The following MGAT4C variants were observed in gnomAD, a reference collection of about 807,000 sequenced individuals.
The protein encoded by MGAT4C is alpha-1,3-mannosyl-glycoprotein 4-beta-N-acetylglucosaminyltransferase C.
In MGAT4C, 19 loss-of-function variants were observed where a neutral mutation model predicts 40.1. The ratio of observed to expected loss-of-function variants is 0.47; its 90% confidence interval spans 0.33 to 0.70. The LOEUF is 0.70. MGAT4C is among the 30% of genes least tolerant of loss of function. The pLI, the probability that MGAT4C is intolerant of heterozygous loss-of-function variation, is 0.02. For synonymous variants in MGAT4C, 181 were observed against 187.1 expected (o/e 0.97, Z 0.27); for missense variants, 491 against 563.2 (o/e 0.87, Z 1.30).
intron 2 of MGAT4C, among the ~76,000 whole-genome samples, chr12:86,471,361 A>G (rs1471560170): frequency 6.6e-6 from 1 of 152,070 alleles, no homozygotes; most frequent in African/African-American, 2.4e-5. Context: ...GGATAGTAAA[A>G]TGATGTATGG....
intron 3 of MGAT4C, among the ~76,000 whole-genome samples, chr12:86,412,575 A>G (rs1260047136): frequency 6.6e-6 from 1 of 152,170 alleles, no homozygotes; most frequent in Non-Finnish European, 1.5e-5. Flanking sequence ...GCCTGTACCC[A>G]CATTGTATCT....
chr12:86,147,989 T>C lies in MGAT4C; in HGVS notation c.-56-98266A>G, dbSNP rs911361189. ...AGAACAAAATATTTACTGGCTTCCA[T>C]TGAGAGTAAAACGAAGAAGAGAGAA... On this transcript the variant is annotated intron_variant, in intron 1 of 4. Transcript: ENST00000611864. 5.9e-5 allele frequency among the ~76,000 whole-genome samples: 9 copies of C among 152,178 alleles called. No homozygotes were observed. In the South Asian group the frequency reaches 1.7e-3, roughly 28 times the overall value.
intron 2 of MGAT4C, among the ~76,000 whole-genome samples, chr12:86,566,744 G>T (rs1006115080): frequency 3.7e-5 from 2 of 53,722 alleles, no homozygotes; most frequent in African/African-American, 4.9e-5. Flanking sequence ...TGTATACAAT[G>T]TATCTGTGTG....
intron 4 of MGAT4C, among the ~76,000 whole-genome samples, chr12:86,276,955 A>G (rs942100857): frequency 6.6e-6 from 1 of 152,210 alleles, no homozygotes; most frequent in Non-Finnish European, 1.5e-5. Context: ...ACCCAGCAGT[A>G]GCATTGCTGG....
intron 1 of MGAT4C, among the ~76,000 whole-genome samples, chr12:86,119,231 A>G (rs1028053744): frequency 3.9e-5 from 6 of 152,102 alleles, no homozygotes; most frequent in African/African-American, 1.4e-4. Context: ...ATATATTTAT[A>G]TAACAGTTGG....
At chr12:86,504,633 C>A (rs1958437095) in intron 2 of MGAT4C, among the ~76,000 whole-genome samples, 1 of 152,178 alleles carries the variant, frequency 6.6e-6, no homozygotes, top group South Asian at 2.1e-4. Flanking sequence ...CATTGCCCTT[C>A]TTTCCAGCAA....
intron 2 of MGAT4C, among the ~76,000 whole-genome samples, chr12:86,717,097 T>A (rs532241624): frequency 6.6e-6 from 1 of 152,162 alleles, no homozygotes; most frequent in Admixed American, 6.5e-5. Flanking sequence ...TGTGCTCTTT[T>A]TTTGGCCAAA....
At chr12:86,674,934 G>T (rs1964352890) in intron 2 of MGAT4C, among the ~76,000 whole-genome samples, 1 of 152,058 alleles carries the variant, frequency 6.6e-6, no homozygotes, top group African/African-American at 2.4e-5. Flanking sequence ...CAGGCTCTTT[G>T]CATTCTTTTT....
intron 2 of MGAT4C, among the ~76,000 whole-genome samples, chr12:86,452,213 C>A (rs891870491): frequency 6.8e-6 from 1 of 147,562 alleles, no homozygotes; most frequent in South Asian, 2.2e-4. Context: ...TTTTTATATA[C>A]TTTTTTATTA....
chr12:86,755,646 C>A (rs921179315), intron 1 of MGAT4C, among the ~76,000 whole-genome samples: 8 of 146,534 alleles, frequency 5.5e-5, no homozygotes, highest in African/African-American at 2.0e-4. Flanking sequence ...TTCCTTCTTT[C>A]CTACCTTCCT....
chr12:86,492,329 G>A (rs1034190675), intron 2 of MGAT4C, among the ~76,000 whole-genome samples: 1 of 152,020 alleles, frequency 6.6e-6, no homozygotes, highest in South Asian at 2.1e-4. Context: ...AAACGAGCCC[G>A]CATTGCCAAG....
At chr12:86,792,284 T>C (rs1192094470) in intron 1 of MGAT4C, among the ~76,000 whole-genome samples, 2 of 152,284 alleles carry the variant, frequency 1.3e-5, no homozygotes, top group East Asian at 3.9e-4. Flanking sequence ...AATTAAGATA[T>C]TCAATAACCA....
intron 3 of MGAT4C, among the ~76,000 whole-genome samples, chr12:86,420,971 A>G (rs1373676173): frequency 6.6e-6 from 1 of 151,856 alleles, no homozygotes; most frequent in Non-Finnish European, 1.5e-5. Flanking sequence ...AATCTGAATC[A>G]TAGAAGTTAT....
chr12:86,390,273 A>G (rs900005414), intron 3 of MGAT4C, among the ~76,000 whole-genome samples: 17 of 152,318 alleles, frequency 1.1e-4, no homozygotes, highest in African/African-American at 3.8e-4. Flanking sequence ...AAATACACAT[A>G]TGAGTTTCTG....
At chr12:86,336,113 G>A (rs1954785638) in intron 3 of MGAT4C, among the ~76,000 whole-genome samples, 1 of 152,162 alleles carries the variant, frequency 6.6e-6, no homozygotes, top group Non-Finnish European at 1.5e-5. Flanking sequence ...TAAGTGTTAT[G>A]TAAATAGTTG....
At chr12:86,726,632 A>G (rs1224410529) in intron 2 of MGAT4C, among the ~76,000 whole-genome samples, 1 of 152,126 alleles carries the variant, frequency 6.6e-6, no homozygotes, top group Non-Finnish European at 1.5e-5. Context: ...GTTTGTTAAT[A>G]TGTGCATATT....
At chr12:86,800,264 C>T (rs1020900517) in intron 1 of MGAT4C, among the ~76,000 whole-genome samples, 7 of 151,794 alleles carry the variant, frequency 4.6e-5, no homozygotes, top group African/African-American at 1.7e-4. Context: ...AAAGAAACTC[C>T]CTCATGAAAC....
intron 3 of MGAT4C, among the ~76,000 whole-genome samples, chr12:86,396,421 A>T (rs772051055): frequency 6.6e-6 from 1 of 152,218 alleles, no homozygotes; most frequent in Non-Finnish European, 1.5e-5. Context: ...AGCTCTACAC[A>T]TCTTAAAAGA....
intron 3 of MGAT4C, among the ~76,000 whole-genome samples, chr12:86,391,967 A>G (rs1436600109): frequency 1.3e-5 from 2 of 152,204 alleles, no homozygotes; most frequent in Non-Finnish European, 2.9e-5. Flanking sequence ...ATAATGAGTC[A>G]TTTATTTATC....
Sources: allele counts gnomAD v4.1 joint callset (sites outside exome capture counted in the v4.1 genomes callset), GRCh38; gene constraint gnomAD v4.1.1; transcripts MANE v1.5; gene names NCBI Gene and HGNC (gene_info 2026-07-23, HGNC 2026-07-21).